Variants in PUM1 observed in about 807,000 individuals in gnomAD.
The protein encoded by PUM1 is pumilio RNA binding family member 1.
In PUM1, 13 loss-of-function variants were observed where a neutral mutation model predicts 131.8. That is an observed-to-expected ratio of 0.10 (90% CI 0.06 to 0.16). PUM1 has a LOEUF of 0.16. Among genes scored for constraint, PUM1 ranks in the 10% least tolerant of loss-of-function variants. The pLI is 1.00. For missense variants in PUM1, 961 were observed against 1,512.4 expected, an observed-to-expected ratio of 0.64 and a Z score of 6.05; for synonymous variants, 509 against 556.5, an observed-to-expected ratio of 0.91 and a Z score of 1.20.
At chr1:30,952,019 A>G (rs1390121434) in intron 16 of PUM1, among the ~76,000 whole-genome samples, 1 of 152,194 alleles carries the variant, frequency 6.6e-6, no homozygotes, top group African/African-American at 2.4e-5. Flanking sequence ...CACATTTCCA[A>G]AATAGATTGG....
chr1:31,013,462 A>G (rs1642693770), intron 3 of PUM1, among the ~76,000 whole-genome samples: 1 of 152,188 alleles, frequency 6.6e-6, no homozygotes, highest in Admixed American at 6.5e-5. Context: ...TACTACTAAC[A>G]TGGATGTTAC....
intron 14 of PUM1, 45 bp downstream of exon 14, chr1:30,964,629 A>G: frequency 6.6e-7 from 1 of 1,504,596 alleles, no homozygotes; most frequent in South Asian, 1.1e-5. Context: ...ATCGGTGGCA[A>G]GAGAGTTCTA....
chr1:31,038,984 A>ATATATATTTTTTTTTTT, intron 2 of PUM1, among the ~76,000 whole-genome samples: 5 of 49,418 alleles, frequency 1.0e-4, no homozygotes, highest in East Asian at 6.7e-4. Flanking sequence ...ATATATATAT[A>ATATATATTTTTTTTTTT]TTTTTTTTTT....
At chr1:30,977,917 C>G (rs1020626809) in intron 9 of PUM1, among the ~76,000 whole-genome samples, 1 of 152,188 alleles carries the variant, frequency 6.6e-6, no homozygotes, top group Non-Finnish European at 1.5e-5. Context: ...AACCCCAACT[C>G]TACAACATTT....
rs545910656 is a variant in PUM1 at position 30,987,218 on chromosome 1, A to T, written c.1158+5172T>A. Among the ~76,000 whole-genome samples, 20 of 146,772 alleles carry T rather than the reference A, an allele frequency of 1.4e-4. 1 individual carries two copies. The highest frequency in any genetic ancestry group is 5.1e-4 in the African/African-American group (20 of 39,482). On this transcript the variant is annotated intron_variant, in intron 7 of 21. Coordinates refer to ENST00000426105, the MANE Select transcript of PUM1 (RefSeq NM_001020658.2). ...AAATTTTTTTTTTTTTTTTTTTAAG[A>T]CGGCGTCTCACTCTGTCGCCCAGGC...
intron 9 of PUM1, among the ~76,000 whole-genome samples, chr1:30,977,985 C>T (rs1211562311): frequency 6.6e-6 from 1 of 152,214 alleles, no homozygotes; most frequent in Admixed American, 6.5e-5. Flanking sequence ...TGGCTCACAA[C>T]TGTAATCCCA....
At chr1:31,056,846 G>C (rs1459438739) in intron 2 of PUM1, among the ~76,000 whole-genome samples, 3 of 151,790 alleles carry the variant, frequency 2.0e-5, no homozygotes, top group African/African-American at 7.3e-5. Flanking sequence ...AGGCTGGAGT[G>C]CAATGGCAAG....
intron 2 of PUM1, among the ~76,000 whole-genome samples, chr1:31,058,929 C>T (rs191815721): frequency 4.0e-5 from 6 of 151,662 alleles, no homozygotes; most frequent in African/African-American, 1.2e-4. Flanking sequence ...GAGATCAAGC[C>T]GAGATCAGGC....
intron 9 of PUM1, among the ~76,000 whole-genome samples, chr1:30,978,000 T>C (rs539109547): frequency 9.8e-5 from 15 of 152,330 alleles, no homozygotes; most frequent in African/African-American, 2.9e-4. Flanking sequence ...ATCCCAGCAC[T>C]CTGGGAGGCC....
chr1:31,012,872 T>G (rs1304046237), intron 3 of PUM1, among the ~76,000 whole-genome samples: 2 of 152,216 alleles, frequency 1.3e-5, no homozygotes, highest in African/African-American at 4.8e-5. Context: ...CCATGAATGC[T>G]CTGAAATCAC....
intron 20 of PUM1, among the ~76,000 whole-genome samples, chr1:30,937,822 G>A (rs1204288177): frequency 6.6e-6 from 1 of 151,986 alleles, no homozygotes; most frequent in Admixed American, 6.6e-5. Flanking sequence ...AGGCTGGAGT[G>A]CAATGGCATG....
chr1:31,047,750 T>C (rs1376619623), intron 2 of PUM1, among the ~76,000 whole-genome samples: 1 of 152,182 alleles, frequency 6.6e-6, no homozygotes, highest in Admixed American at 6.5e-5. Flanking sequence ...CGAGACATCC[T>C]GGCCAACACG....
chr1:30,966,935 C>A (rs1170782990), intron 12 of PUM1, among the ~76,000 whole-genome samples: 1 of 152,012 alleles, frequency 6.6e-6, no homozygotes. Context: ...GACCTTCAGA[C>A]CTTGCTTCTA....
intron 13 of PUM1, among the ~76,000 whole-genome samples, chr1:30,965,361 C>T (rs948261727): frequency 6.6e-6 from 1 of 152,180 alleles, no homozygotes; most frequent in African/African-American, 2.4e-5. Flanking sequence ...AGAGTTAATG[C>T]TGCCCTCAAT....
At chr1:31,056,294 T>C (rs927256163) in intron 2 of PUM1, among the ~76,000 whole-genome samples, 3 of 150,298 alleles carry the variant, frequency 2.0e-5, no homozygotes, top group African/African-American at 7.2e-5. Context: ...TTTTTCTTTT[T>C]TTGGAGACAG....
intron 2 of PUM1, among the ~76,000 whole-genome samples, chr1:31,057,071 G>T (rs1259212430): frequency 6.6e-6 from 1 of 152,154 alleles, no homozygotes; most frequent in Non-Finnish European, 1.5e-5. Context: ...GGGATTACAG[G>T]CATGAGCCAC....
rs1233416238 is a variant in PUM1, at chr1:30,952,683, CGGGGG to C, written c.2592-325_2592-321del. ...GGAGGGAAGATGAAAGCGGGGGGGG[CGGGGG>C]GGGGGCGGGAGGGGCAGGGGTGCAG... On this transcript the variant is annotated intron_variant, in intron 15 of 21. Transcript: ENST00000426105. Among the ~76,000 whole-genome samples, 15 of 41,826 alleles carry C rather than the reference CGGGGG, an allele frequency of 3.6e-4. No individual in the cohort carries two copies. The East Asian group carries it at 0.021, about 60-fold the overall frequency. The allele number at this position is 41,826 out of a possible 152,430, so 27.4% of individuals were successfully genotyped here. A position where few individuals can be genotyped will look rare whatever the true frequency, so the allele number is the denominator to read the frequency against.
At chr1:30,958,973 G>A (rs1193273510) in intron 14 of PUM1, among the ~76,000 whole-genome samples, 1 of 152,116 alleles carries the variant, frequency 6.6e-6, no homozygotes, top group Admixed American at 6.6e-5. Context: ...TTGAGAGAGA[G>A]ATTTCACTTA....
rs185153831 is a variant in PUM1 at position 30,978,523 on chromosome 1, A to T, written c.1354+1539T>A. Among the ~76,000 whole-genome samples, 347 of 152,336 alleles carry T rather than the reference A, an allele frequency of 2.3e-3. 2 individuals are homozygous for T. Among genetic ancestry groups the T allele is most frequent in the African/African-American group, 8.0e-3 (332 of 41,578 alleles). The stretch of plus-strand genomic sequence containing the variant: ...CATGCCAAAATGTAAACAATTTTTT[A>T]AAAAATCTAAGAAATGCTAGGCTAC... On this transcript the variant is annotated intron_variant, in intron 9 of 21. Transcript: ENST00000426105.
Sources: gnomAD v4.1 joint callset for allele counts (sites outside exome capture counted in the v4.1 genomes callset) on GRCh38, gnomAD v4.1.1 for gene constraint, MANE v1.5 for transcripts, NCBI Gene and HGNC (gene_info 2026-07-23, HGNC 2026-07-21) for gene names.